Variants in NT5C3A observed in about 807,000 individuals in gnomAD.
NT5C3A encodes the protein cytosolic 5'-nucleotidase 3A.
In NT5C3A, 23 loss-of-function variants were observed where a neutral mutation model predicts 40.0. That is an observed-to-expected ratio of 0.58 (90% CI 0.41 to 0.81). The LOEUF (loss-of-function observed/expected upper bound fraction) is 0.81. Ranked by LOEUF, NT5C3A falls within the 40% of genes least tolerant of loss-of-function variation. NT5C3A has a pLI of 0.00. For missense variants in NT5C3A, 328 were observed against 403.0 expected, an observed-to-expected ratio of 0.81 and a Z score of 1.59; for synonymous variants, 130 against 141.4, an observed-to-expected ratio of 0.92 and a Z score of 0.57.
rs1333259353 is a variant in NT5C3A at position 33,050,938 on chromosome 7, G to C, written c.138+11630C>G. 2.0e-5 allele frequency among the ~76,000 whole-genome samples: 3 copies of C among 152,134 alleles called. No individual in the cohort carries two copies. In the East Asian group the frequency reaches 5.8e-4, roughly 29 times the overall value. ...TCTGCCACCTGCTGATGGAAAAACT[G>C]AATTGTATAGATTTCCCTACTGCTG... On this transcript the variant is annotated intron_variant, in intron 1 of 8. Transcript: ENST00000610140.
intron 7 of NT5C3A, among the ~76,000 whole-genome samples, chr7:33,016,828 C>G (rs896295830): frequency 1.2e-4 from 18 of 151,980 alleles, no homozygotes; most frequent in African/African-American, 4.1e-4. Flanking sequence ...TCAGTTCTAA[C>G]TCACTTCTTT....
intron 1 of NT5C3A, among the ~76,000 whole-genome samples, chr7:33,032,840 A>G (rs1015041016): frequency 7.3e-5 from 11 of 150,434 alleles, no homozygotes; most frequent in African/African-American, 1.7e-4. Context: ...TGCAGACTTG[A>G]CCTCCTGGGC....
In NT5C3A at chr7:33,014,675, G is replaced by C. The variant is rs752073533; in HGVS notation, c.*55C>G. 4 of 1,601,552 alleles carry C rather than the reference G, an allele frequency of 2.5e-6. No homozygotes were observed. The highest frequency in any genetic ancestry group is 1.7e-5 in the Admixed American group (1 of 59,370). On this transcript the variant is annotated 3_prime_UTR_variant, in exon 9 of 9. Transcript: ENST00000610140. ...AAATAAGTCTCTCAGCAAGATGAAC[G>C]GATGAACAGTTCAATTGCACCCACA...
intron 1 of NT5C3A, among the ~76,000 whole-genome samples, chr7:33,053,310 C>T (rs1010612782): frequency 1.3e-4 from 20 of 152,194 alleles, no homozygotes; most frequent in African/African-American, 4.8e-4. Context: ...GCCACAGCCT[C>T]CTGAGTAGCT....
chr7:33,056,662 C>A (rs539308992), intron 1 of NT5C3A, among the ~76,000 whole-genome samples: 9 of 151,978 alleles, frequency 5.9e-5, no homozygotes, highest in African/African-American at 2.2e-4. Flanking sequence ...CAGGGTGAGA[C>A]CTAGTCTCAA....
rs1024810122 is a variant in NT5C3A at position 33,026,493 on chromosome 7, T to C, written c.237+324A>G. 8.6e-5 allele frequency among the ~76,000 whole-genome samples: 13 copies of C among 151,106 alleles called. No individual in the cohort carries two copies. The East Asian group carries it at 2.6e-3, about 30-fold the overall frequency. ...CCTCAGCCTCCCAAGTAGCTGGGAT[T>C]ACAGGCATGCGCCACCAGGCCCGGC... On this transcript the variant is annotated intron_variant, in intron 2 of 8. Coordinates refer to ENST00000610140, the MANE Select transcript of NT5C3A (RefSeq NM_001002010.5).
chr7:33,033,050 C>T (rs1786371336), intron 1 of NT5C3A, among the ~76,000 whole-genome samples: 1 of 152,218 alleles, frequency 6.6e-6, no homozygotes, highest in African/African-American at 2.4e-5. Flanking sequence ...CAGTGCCCAG[C>T]CTCAGTGAAT....
At chr7:33,034,607 G>C (rs1357197084) in intron 1 of NT5C3A, among the ~76,000 whole-genome samples, 1 of 152,176 alleles carries the variant, frequency 6.6e-6, no homozygotes, top group Non-Finnish European at 1.5e-5. Context: ...GACTATATTT[G>C]ACATATAAAA....
intron 1 of NT5C3A, among the ~76,000 whole-genome samples, chr7:33,027,860 G>A (rs533698809): frequency 3.3e-5 from 5 of 152,074 alleles, no homozygotes; most frequent in African/African-American, 7.2e-5. Flanking sequence ...TACGCATATA[G>A]TTTTAGCTCA....
chr7:33,062,688 C>T lies in NT5C3A; in HGVS notation c.18G>A (p.Val6=). 2 of 1,569,724 alleles carry T rather than the reference C, an allele frequency of 1.3e-6. No individual in the cohort carries two copies. The highest frequency in any genetic ancestry group is 1.4e-5 in the African/African-American group (1 of 73,498). The change falls in exon 1 of 9, where the codon GTG becomes GTA. Residue 6 remains valine (V), a synonymous_variant. Transcript: ENST00000610140. MDRAA[V]ARVGAVASAS... The stretch of plus-strand genomic sequence containing the variant: ...CGCTCGCTACCGCGCCCACCCTCGC[C>T]ACGGCCGCGCGGTCCATGGACGGGG...
At chr7:33,028,246 G>A (rs888886556) in intron 1 of NT5C3A, among the ~76,000 whole-genome samples, 3 of 152,060 alleles carry the variant, frequency 2.0e-5, no homozygotes, top group Admixed American at 2.0e-4. Context: ...GACCAGCCTG[G>A]GCAACACAGC....
At chr7:33,019,823 C>T in intron 5 of NT5C3A, 99 bp from the exon 6 acceptor site, 2 of 748,192 alleles carry the variant, frequency 2.7e-6, no homozygotes, top group South Asian at 2.9e-5. Context: ...AAATCTGTTC[C>T]TCATATTTGG....
Position 33,017,561 on chromosome 7 carries a change from T to TA in NT5C3A, c.570dup (p.Ser191Ter), listed in dbSNP as rs1785406627. On this transcript the variant is annotated frameshift_variant, in exon 7 of 9. Coordinates refer to ENST00000610140, the MANE Select transcript of NT5C3A (RefSeq NM_001002010.5). LOFTEE classifies it high-confidence loss of function. ...GCCGAAAATATGAACACGGGGATGC[T>TA]ATGTTGTTGGAGCTTATCAAAGAAA... 1 of 1,613,766 alleles carries TA rather than the reference T, an allele frequency of 6.2e-7. No homozygotes were observed. The highest frequency in any genetic ancestry group is 8.5e-7 in the Non-Finnish European group (1 of 1,179,774).
intron 1 of NT5C3A, among the ~76,000 whole-genome samples, chr7:33,031,088 A>T (rs1208921517): frequency 7.5e-6 from 1 of 133,588 alleles, no homozygotes; most frequent in African/African-American, 3.0e-5. Flanking sequence ...CGACAGCGAG[A>T]CTCTGCCTCA....
At position 33,015,890 on chromosome 7, in the gene NT5C3A, T is replaced by G. The variant is rs754695328; in HGVS notation, c.694-20A>C. 6 of 1,505,750 alleles carry G rather than the reference T, an allele frequency of 4.0e-6. No individual in the cohort carries two copies. In the South Asian group the frequency reaches 6.8e-5, roughly 17 times the overall value. The allele number at this position is 1,505,750 out of a possible 1,614,324, so 93.3% of individuals were successfully genotyped here. ...CACCCCCTATGAAAAATATAAATCTTTTGAACAGGCTTTAAAAATTCTATT... is the reference window on the plus strand; with the variant it reads ...CACCCCCTATGAAAAATATAAATCTGTTGAACAGGCTTTAAAAATTCTATT... On this transcript the variant is annotated intron_variant, in intron 7 of 8. Transcript: ENST00000610140.
rs531900002 is a variant in NT5C3A, at chr7:33,032,517, C to T, written c.139-5602G>A. Among the ~76,000 whole-genome samples the T allele has an allele frequency of 4.0e-5, 6 of 151,518 alleles. No individual in the cohort carries two copies. In the South Asian group the frequency reaches 1.0e-3, roughly 26 times the overall value. ...TGTCACCCAGGCTGGAGGGCAGTGG[C>T]GTGATCTTGGCTCACTGCAACTTTC... is the stretch of plus-strand genomic sequence containing the variant. On this transcript the variant is annotated intron_variant, in intron 1 of 8. Coordinates refer to ENST00000610140, the MANE Select transcript of NT5C3A (RefSeq NM_001002010.5).
At chr7:33,022,340 C>T (rs1387255971) in intron 3 of NT5C3A, among the ~76,000 whole-genome samples, 1 of 152,148 alleles carries the variant, frequency 6.6e-6, no homozygotes, top group African/African-American at 2.4e-5. Flanking sequence ...TGACTGCTCG[C>T]TTACATCACT....
rs764027003 is a variant in NT5C3A, at chr7:33,026,839, T to C, written c.215A>G (p.Lys72Arg). Reference protein sequence around the residue: ...RVEEIICGLIKGGAAKLQIIT... With the variant: ...RVEEIICGLIRGGAAKLQIIT... ...CACCTGAAGTTTGGCAGCTCCTCCTTTGATAAGACCACAGATAATTTCTTC... is the reference window on the plus strand; with the variant it reads ...CACCTGAAGTTTGGCAGCTCCTCCTCTGATAAGACCACAGATAATTTCTTC... The change falls in exon 2 of 9, where the codon AAA (lysine) becomes AGA (arginine). Residue 72 changes from lysine (K) to arginine (R), a missense_variant. By Grantham distance (26) the Lys-to-Arg change is conservative (BLOSUM62 2). Around this residue, in one of 3 missense-constraint regions of NT5C3A, gnomAD observed 280 missense variants for 317.2 expected, o/e 0.88. Transcript: ENST00000610140. 20 of 1,611,566 alleles carry C rather than the reference T, an allele frequency of 1.2e-5. No homozygotes were observed. Among genetic ancestry groups the C allele is most frequent in the Non-Finnish European group, 1.6e-5 (19 of 1,179,380 alleles).
At chr7:33,054,591 T>C (rs1787497298) in intron 1 of NT5C3A, among the ~76,000 whole-genome samples, 1 of 152,226 alleles carries the variant, frequency 6.6e-6, no homozygotes, top group Non-Finnish European at 1.5e-5. Flanking sequence ...TATTTGCACA[T>C]ACATTATATC....
Sources: gnomAD v4.1 joint callset for allele counts (sites outside exome capture counted in the v4.1 genomes callset) on GRCh38, gnomAD v4.1.1 for gene constraint, gnomAD v4.1.1 regional missense constraint, MANE v1.5 for transcripts, NCBI Gene and HGNC (gene_info 2026-07-23, HGNC 2026-07-21) for gene names.